The following KCNQ1OT1 variants were observed in gnomAD, a reference collection of about 807,000 sequenced individuals.
The protein encoded by KCNQ1OT1 is KCNQ1 opposite strand/antisense transcript 1.
chr11:2,618,922 A>T (rs1324165788), exon 1 of KCNQ1OT1: 10 of 398,028 alleles, frequency 2.5e-5, no homozygotes, highest in Non-Finnish European at 3.5e-5. Flanking sequence ...TTCCTAAGCA[A>T]TTTTTTTGAT....
Position 2,623,503 on chromosome 11 carries a change from A to G in KCNQ1OT1, n.76492T>C. The stretch of plus-strand genomic sequence containing the variant: ...AGCATTGCCTTTTCTAAAATGCAAT[A>G]TGATTGGAATCATACAGTATGTAGT... On this transcript the variant is annotated non_coding_transcript_exon_variant, in exon 1 of 1. Transcript: ENST00000597346. This position sits in a 1 kb window ranked among gnomAD's most constrained non-coding sequence, Gnocchi z 5.2. The G allele has an allele frequency of 2.5e-6, 1 of 398,612 alleles. No individual in the cohort carries two copies. 24.7% of individuals were successfully genotyped at this position (398,612 alleles called of 1,614,324 possible).
Position 2,676,910 on chromosome 11 carries a change from TAAAAG to T in KCNQ1OT1, n.23080_23084del, listed in dbSNP as rs2133875537. ...GTGTTCAGCCCCAGTGTGCACCACTTAAAAGGAAGACACTGGTATGTTCTGGAGAT... is the reference window on the plus strand; with the variant it reads ...GTGTTCAGCCCCAGTGTGCACCACTTGAAGACACTGGTATGTTCTGGAGAT... On this transcript the variant is annotated non_coding_transcript_exon_variant, in exon 1 of 1. Transcript: ENST00000597346. The surrounding 1 kb of genome is among the most constrained non-coding windows in gnomAD (Gnocchi z 4.2). The T allele has an allele frequency of 5.0e-6, 2 of 398,606 alleles. No individual in the cohort carries two copies. Among genetic ancestry groups the T allele is most frequent in the South Asian group, 2.5e-4 (2 of 7,856 alleles). The allele number at this position is 398,606 out of a possible 1,614,324, so 24.7% of individuals were successfully genotyped here. A position where few individuals can be genotyped will look rare whatever the true frequency, so the allele number is the denominator to read the frequency against.
At chr11:2,662,242 C>G in exon 1 of KCNQ1OT1, 1 of 883,630 alleles carries the variant, frequency 1.1e-6, no homozygotes, top group East Asian at 2.6e-5. Flanking sequence ...AGGCACCAGG[C>G]AAGAGAGGAG....
At position 2,673,159 on chromosome 11, in the gene KCNQ1OT1, C is replaced by T. The variant is rs537629719; in HGVS notation, n.26836G>A. Reference sequence around the variant, plus strand: ...GTGCTGACCATCCCTGACCCAAGCACGAGGATCAGAATGGGCCCTGGAGCC... The same window carrying T: ...GTGCTGACCATCCCTGACCCAAGCATGAGGATCAGAATGGGCCCTGGAGCC... On this transcript the variant is annotated non_coding_transcript_exon_variant, in exon 1 of 1. Transcript: ENST00000597346. This position sits in a 1 kb window ranked among gnomAD's most constrained non-coding sequence, Gnocchi z 4.5. 9 of 398,578 alleles carry T rather than the reference C, an allele frequency of 2.3e-5. No individual in the cohort carries two copies. The highest frequency in any genetic ancestry group is 4.0e-5 in the Non-Finnish European group (9 of 226,150). 24.7% of individuals were successfully genotyped at this position (398,578 alleles called of 1,614,324 possible). A position where few individuals can be genotyped will look rare whatever the true frequency, so the allele number is the denominator to read the frequency against.
At chr11:2,685,182 G>A in exon 1 of KCNQ1OT1, 2 of 398,656 alleles carry the variant, frequency 5.0e-6, no homozygotes, top group Non-Finnish European at 8.8e-6. Context: ...TGCATGGAAT[G>A]CCCCCTTCGT....
chr11:2,661,461 T>G lies in KCNQ1OT1; in HGVS notation n.38534A>C. The G allele has an allele frequency of 2.3e-6, 1 of 434,900 alleles. No individual in the cohort carries two copies. Among genetic ancestry groups the G allele is most frequent in the Non-Finnish European group, 4.0e-6 (1 of 247,396 alleles). The allele number at this position is 434,900 out of a possible 1,614,324, so 26.9% of individuals were successfully genotyped here. ...GTAGCATCGTGTTTTGAGGAAGGAG[T>G]TCTGTGGCTGCCCCCACCTCCCAGG... is the stretch of plus-strand genomic sequence containing the variant. On this transcript the variant is annotated non_coding_transcript_exon_variant, in exon 1 of 1. Coordinates refer to ENST00000597346, the Ensembl canonical transcript of KCNQ1OT1. This position sits in a 1 kb window ranked among gnomAD's most constrained non-coding sequence, Gnocchi z 5.9.
chr11:2,625,660 C>T (rs1157436807), exon 1 of KCNQ1OT1: 2 of 395,928 alleles, frequency 5.1e-6, no homozygotes, highest in Non-Finnish European at 8.9e-6. Flanking sequence ...ACTGCAACCT[C>T]TGCCTCCTGG....
In KCNQ1OT1 at chr11:2,666,184, G is replaced by A. The variant is rs76592153; in HGVS notation, n.33811C>T. ...CCCCAGCTCGAGGTTAACAGATACC[G>A]CCCTCAGTCCCACTCTCCAGAGGGA... On this transcript the variant is annotated non_coding_transcript_exon_variant, in exon 1 of 1. Transcript: ENST00000597346. 3,311 of 398,578 alleles carry A rather than the reference G, an allele frequency of 8.3e-3. 30 individuals carry two copies. Among genetic ancestry groups the A allele is most frequent in the Middle Eastern group, 0.022 (35 of 1,590 alleles). 24.7% of individuals were successfully genotyped at this position (398,578 alleles called of 1,614,324 possible). A position where few individuals can be genotyped will look rare whatever the true frequency, so the allele number is the denominator to read the frequency against.
chr11:2,614,212 C>A, exon 1 of KCNQ1OT1: 2 of 398,550 alleles, frequency 5.0e-6, no homozygotes, highest in South Asian at 2.6e-4. Context: ...AAATCTTAGT[C>A]ATTTGCAAGA....
Position 2,678,952 on chromosome 11 carries a change from T to C in KCNQ1OT1, n.21043A>G, listed in dbSNP as rs928436953. 2.5e-5 allele frequency: 10 copies of C among 398,366 alleles called. No individual in the cohort carries two copies. The highest frequency in any genetic ancestry group is 1.9e-4 in the African/African-American group (9 of 48,556). 24.7% of individuals were successfully genotyped at this position (398,366 alleles called of 1,614,324 possible). A position where few individuals can be genotyped will look rare whatever the true frequency, so the allele number is the denominator to read the frequency against. Reference sequence around the variant, plus strand: ...GGAAAAACTGAATTTGCTAACTCAATAGAGAACAAAAGAGCAAATAGGCCT... The same window carrying C: ...GGAAAAACTGAATTTGCTAACTCAACAGAGAACAAAAGAGCAAATAGGCCT... On this transcript the variant is annotated non_coding_transcript_exon_variant, in exon 1 of 1. Coordinates refer to ENST00000597346, the Ensembl canonical transcript of KCNQ1OT1. This position sits in a 1 kb window ranked among gnomAD's most constrained non-coding sequence, Gnocchi z 4.9.
rs896870740 is a variant in KCNQ1OT1, at chr11:2,611,371, C to T, written n.88624G>A. 2.8e-5 allele frequency: 11 copies of T among 397,426 alleles called. No homozygotes were observed. The highest frequency in any genetic ancestry group is 4.4e-5 in the Non-Finnish European group (10 of 225,970). 24.6% of individuals were successfully genotyped at this position (397,426 alleles called of 1,614,324 possible). On this transcript the variant is annotated non_coding_transcript_exon_variant, in exon 1 of 1. Transcript: ENST00000597346. This position sits in a 1 kb window ranked among gnomAD's most constrained non-coding sequence, Gnocchi z 5.3. Reference sequence around the variant, plus strand: ...AGTAGCTGGGACTACAGGCATTTGCCACCATACCCAGCTAATTTTTAGTAG... The same window carrying T: ...AGTAGCTGGGACTACAGGCATTTGCTACCATACCCAGCTAATTTTTAGTAG...
chr11:2,695,719 T>C lies in KCNQ1OT1; in HGVS notation n.4276A>G. 1 of 398,674 alleles carries C rather than the reference T, an allele frequency of 2.5e-6. No individual in the cohort carries two copies. The highest frequency in any genetic ancestry group is 4.4e-6 in the Non-Finnish European group (1 of 226,074). 24.7% of individuals were successfully genotyped at this position (398,674 alleles called of 1,614,324 possible). On this transcript the variant is annotated non_coding_transcript_exon_variant, in exon 1 of 1. Coordinates refer to ENST00000597346, the Ensembl canonical transcript of KCNQ1OT1. This position sits in a 1 kb window ranked among gnomAD's most constrained non-coding sequence, Gnocchi z 5.2. ...GTCTGTGCCTGTCTCCGTCCCCACC[T>C]GCAGCACACAGGGAGGCTTGTTCCT...
rs567057227 is a variant in KCNQ1OT1 at position 2,678,408 on chromosome 11, C to T, written n.21587G>A. The T allele has an allele frequency of 1.2e-3, 471 of 398,420 alleles. No homozygotes were observed. Among genetic ancestry groups the T allele is most frequent in the African/African-American group, 8.8e-3 (430 of 48,672 alleles). 24.7% of individuals were successfully genotyped at this position (398,420 alleles called of 1,614,324 possible). A position where few individuals can be genotyped will look rare whatever the true frequency, so the allele number is the denominator to read the frequency against. ...TTTCCCATATATTTGTCCAGTTGTC[C>T]AACACTATTTATTTGAGTACATCAT... On this transcript the variant is annotated non_coding_transcript_exon_variant, in exon 1 of 1. Coordinates refer to ENST00000597346, the Ensembl canonical transcript of KCNQ1OT1. The surrounding 1 kb of genome is among the most constrained non-coding windows in gnomAD (Gnocchi z 4.9).
At position 2,624,639 on chromosome 11, in the gene KCNQ1OT1, A is replaced by G. The variant is rs1849233608; in HGVS notation, n.75356T>C. On this transcript the variant is annotated non_coding_transcript_exon_variant, in exon 1 of 1. Transcript: ENST00000597346. The surrounding 1 kb of genome is among the most constrained non-coding windows in gnomAD (Gnocchi z 4.9). ...TAGTGTACAATTCAGTGAATGTATT[A>G]GATACGTTCACAATGCTGTGCAATC... 4 of 398,590 alleles carry G rather than the reference A, an allele frequency of 1.0e-5. No individual in the cohort carries two copies. The highest frequency in any genetic ancestry group is 8.2e-5 in the African/African-American group (4 of 48,762). The allele number at this position is 398,590 out of a possible 1,614,324, so 24.7% of individuals were successfully genotyped here. A position where few individuals can be genotyped will look rare whatever the true frequency, so the allele number is the denominator to read the frequency against.
exon 1 of KCNQ1OT1, chr11:2,685,450 C>A (rs1329241790): frequency 2.5e-6 from 1 of 398,600 alleles, no homozygotes; most frequent in African/African-American, 2.1e-5. Context: ...AAGCCCTTAT[C>A]CAGAAGCCCA....
exon 1 of KCNQ1OT1, chr11:2,648,981 C>CTTTTTTTTTTTTTTTTTTTTTTTTTCTTT: frequency 4.7e-6 from 1 of 213,306 alleles, no homozygotes; most frequent in Non-Finnish European, 7.8e-6. Flanking sequence ...TTTTCTTTTT[C>CTTTTTTTTTTTTTTTTTTTTTTTTTCTTT]TTTTTTTTTT....
exon 1 of KCNQ1OT1, chr11:2,644,375 A>G (rs570779485): frequency 9.0e-5 from 36 of 398,116 alleles, no homozygotes; most frequent in Non-Finnish European, 1.5e-4. Flanking sequence ...GAAGCTTTCA[A>G]ATATGTTTTT....
chr11:2,694,446 A>T, exon 1 of KCNQ1OT1: 1 of 398,668 alleles, frequency 2.5e-6, no homozygotes, highest in Non-Finnish European at 4.4e-6. Context: ...CTTACAATAT[A>T]AATGACAGCC....
rs149208172 is a variant in KCNQ1OT1 at position 2,665,458 on chromosome 11, G to A, written n.34537C>T. 1,674 of 397,070 alleles carry A rather than the reference G, an allele frequency of 4.2e-3. 4 individuals are homozygous for A. The highest frequency in any genetic ancestry group is 4.7e-3 in the Non-Finnish European group (1,060 of 225,852). 24.6% of individuals were successfully genotyped at this position (397,070 alleles called of 1,614,324 possible). A position where few individuals can be genotyped will look rare whatever the true frequency, so the allele number is the denominator to read the frequency against. Reference sequence around the variant, plus strand: ...TCTGCTCACCAAGGGTCACTGGCACGACAGTGGGTGGGGACGGTGCCATGC... The same window carrying A: ...TCTGCTCACCAAGGGTCACTGGCACAACAGTGGGTGGGGACGGTGCCATGC... On this transcript the variant is annotated non_coding_transcript_exon_variant, in exon 1 of 1. Transcript: ENST00000597346.
Sources: allele counts gnomAD v4.1 joint callset, GRCh38; gene constraint gnomAD v4.1.1; non-coding constraint Gnocchi (gnomAD v3.1); transcripts MANE v1.5; gene names NCBI Gene and HGNC (gene_info 2026-07-23, HGNC 2026-07-21).